Variants in PIK3C2G observed in about 807,000 individuals in gnomAD.
PIK3C2G encodes the protein phosphatidylinositol 3-kinase C2 domain-containing subunit gamma.
A neutral mutation model predicts 181.1 loss-of-function variants in PIK3C2G; 168 were observed. That is an observed-to-expected ratio of 0.93 (90% CI 0.82 to 1.05). PIK3C2G has a LOEUF of 1.05. Ranked by LOEUF, PIK3C2G falls within the 50% of genes least tolerant of loss-of-function variation. PIK3C2G has a pLI of 0.00. For missense variants in PIK3C2G, 1,869 were observed against 1,732.8 expected (o/e 1.08, Z -1.40); for synonymous variants, 573 against 592.2 (o/e 0.97, Z 0.47).
upstream of PIK3C2G, among the ~76,000 whole-genome samples, chr12:18,246,270 A>G (rs539589013): frequency 6.6e-6 from 1 of 152,292 alleles, no homozygotes; most frequent in Admixed American, 6.5e-5. Context: ...AGCTGGTTAA[A>G]TATACCAAAT....
chr12:18,699,251 G>A, the PIK3C2G span, among the ~76,000 whole-genome samples: 1 of 152,154 alleles, frequency 6.6e-6, no homozygotes, highest in Admixed American at 6.5e-5. Flanking sequence ...GAGCCTCCAA[G>A]TCTGATTAAC....
intron 18 of PIK3C2G, among the ~76,000 whole-genome samples, chr12:18,450,885 G>A (rs1164735182): frequency 6.6e-6 from 1 of 152,162 alleles, no homozygotes; most frequent in African/African-American, 2.4e-5. Flanking sequence ...TCAGATGGTA[G>A]TAGACGTGTG....
intron 1 of PIK3C2G, among the ~76,000 whole-genome samples, chr12:18,266,954 G>A (rs896186426): frequency 5.9e-5 from 9 of 151,510 alleles, no homozygotes; most frequent in Non-Finnish European, 1.0e-4. Flanking sequence ...ATATACATAT[G>A]CAGATGTAAT....
chr12:18,500,162 G>C (rs1487033383), intron 22 of PIK3C2G, among the ~76,000 whole-genome samples: 1 of 152,188 alleles, frequency 6.6e-6, no homozygotes, highest in East Asian at 1.9e-4. Context: ...GGCGCGGCCG[G>C]GAACCGGGCT....
intron 18 of PIK3C2G, among the ~76,000 whole-genome samples, chr12:18,459,523 G>T (rs1187752619): frequency 2.6e-5 from 4 of 152,206 alleles, no homozygotes; most frequent in Non-Finnish European, 5.9e-5. Flanking sequence ...CCCTGTGAAT[G>T]TGTAGACAAC....
intron 18 of PIK3C2G, among the ~76,000 whole-genome samples, chr12:18,484,902 A>G (rs920439614): frequency 2.0e-5 from 3 of 152,168 alleles, no homozygotes; most frequent in Non-Finnish European, 2.9e-5. Flanking sequence ...TCTGGAATCC[A>G]CCTGTGCTCA....
At chr12:18,353,604 C>G (rs1049528819) in intron 11 of PIK3C2G, among the ~76,000 whole-genome samples, 1 of 152,274 alleles carries the variant, frequency 6.6e-6, no homozygotes, top group Middle Eastern at 3.4e-3. Flanking sequence ...GCTTCTGCCT[C>G]TTTCTTGTGT....
At chr12:18,341,128 T>G (rs1407063105) in intron 9 of PIK3C2G, among the ~76,000 whole-genome samples, 1 of 152,190 alleles carries the variant, frequency 6.6e-6, no homozygotes, top group Non-Finnish European at 1.5e-5. Context: ...AATTTTAGGA[T>G]GAAGTATTTC....
Position 18,598,822 on chromosome 12 carries a change from C to G in PIK3C2G, c.4087+4253C>G, listed in dbSNP as rs1947530363. On this transcript the variant is annotated intron_variant, in intron 30 of 32. Coordinates refer to ENST00000538779, the MANE Select transcript of PIK3C2G (RefSeq NM_001288772.2). The stretch of plus-strand genomic sequence containing the variant: ...TACAAGAAAAAACAAACAACCCCAT[C>G]AAAAAGTGGGCGAAGGACATGAACA... Among the ~76,000 whole-genome samples, 4 of 151,786 alleles carry G rather than the reference C, an allele frequency of 2.6e-5. No homozygotes were observed. The South Asian group carries it at 8.4e-4, about 32-fold the overall frequency.
chr12:18,448,124 G>T (rs968461944), intron 18 of PIK3C2G, among the ~76,000 whole-genome samples: 2 of 152,022 alleles, frequency 1.3e-5, no homozygotes, highest in Non-Finnish European at 2.9e-5. Context: ...AATAATAATT[G>T]TTAGAGCAAA....
chr12:18,328,184 A>C (rs553899246), intron 8 of PIK3C2G, among the ~76,000 whole-genome samples: 1 of 152,060 alleles, frequency 6.6e-6, no homozygotes, highest in Admixed American at 6.5e-5. Context: ...GCTTCATGAA[A>C]CATCGATCTG....
chr12:18,523,868 G>C (rs541018383), intron 24 of PIK3C2G, among the ~76,000 whole-genome samples: 1 of 152,230 alleles, frequency 6.6e-6, no homozygotes, highest in African/African-American at 2.4e-5. Context: ...CTGATCTACA[G>C]TTGCCTGTCA....
intron 1 of PIK3C2G, among the ~76,000 whole-genome samples, chr12:18,263,114 G>A (rs1398559321): frequency 6.6e-6 from 1 of 152,038 alleles, no homozygotes; most frequent in Non-Finnish European, 1.5e-5. Context: ...AGAGTGATGT[G>A]TATCTTTGAA....
intron 18 of PIK3C2G, among the ~76,000 whole-genome samples, chr12:18,487,791 T>C (rs901343833): frequency 2.6e-5 from 4 of 152,164 alleles, no homozygotes; most frequent in African/African-American, 7.2e-5. Context: ...TCAAATGCAT[T>C]GCCTCATTCT....
chr12:18,537,261 C>T (rs1216621200), intron 24 of PIK3C2G, among the ~76,000 whole-genome samples: 1 of 152,082 alleles, frequency 6.6e-6, no homozygotes, highest in Non-Finnish European at 1.5e-5. Flanking sequence ...GAATTTCCCT[C>T]AATAATCCAT....
chr12:18,582,806 G>C (rs1946571918), intron 29 of PIK3C2G, among the ~76,000 whole-genome samples: 1 of 152,012 alleles, frequency 6.6e-6, no homozygotes, highest in South Asian at 2.1e-4. Flanking sequence ...CAGTCAGACT[G>C]CTTTTCTTTT....
the PIK3C2G span, among the ~76,000 whole-genome samples, chr12:18,694,344 A>G: frequency 4.6e-5 from 7 of 152,184 alleles, no homozygotes; most frequent in Non-Finnish European, 1.0e-4. Flanking sequence ...AGCTCTCCCA[A>G]CATGCAGAGG....
At chr12:18,323,683 G>T (rs1951207179) in intron 7 of PIK3C2G, among the ~76,000 whole-genome samples, 1 of 151,588 alleles carries the variant, frequency 6.6e-6, no homozygotes, top group African/African-American at 2.4e-5. Context: ...GGGATACAAT[G>T]CTTCCCTGCC....
chr12:18,562,256 C>G (rs1220007092), intron 26 of PIK3C2G, among the ~76,000 whole-genome samples: 1 of 152,094 alleles, frequency 6.6e-6, no homozygotes, highest in South Asian at 2.1e-4. Context: ...CTCAGGCTCC[C>G]GAGTAGCTGG....
Sources: allele counts gnomAD v4.1 joint callset (sites outside exome capture counted in the v4.1 genomes callset), GRCh38; gene constraint gnomAD v4.1.1; transcripts MANE v1.5; gene names NCBI Gene and HGNC (gene_info 2026-07-23, HGNC 2026-07-21).